The following RABGAP1L variants were observed in gnomAD, a reference collection of about 807,000 sequenced individuals.
RABGAP1L encodes the protein RAB GTPase activating protein 1 like.
RABGAP1L carries 63 observed loss-of-function variants against 137.7 expected under a neutral mutation model. That is an observed-to-expected ratio of 0.46 (90% CI 0.37 to 0.56). The LOEUF (loss-of-function observed/expected upper bound fraction) is 0.56, where lower values mean the gene tolerates loss of function less well. Ranked by LOEUF, RABGAP1L falls within the 20% of genes least tolerant of loss-of-function variation. The pLI, the probability that RABGAP1L is intolerant of heterozygous loss-of-function variation, is 0.00. For missense variants in RABGAP1L, 1,095 were observed against 1,244.0 expected (o/e 0.88, Z 1.80); for synonymous variants, 431 against 433.7 (o/e 0.99, Z 0.08).
At chr1:174,546,846 C>T (rs56676676) in intron 13 of RABGAP1L, among the ~76,000 whole-genome samples, 11 of 151,328 alleles carry the variant, frequency 7.3e-5, no homozygotes, top group South Asian at 2.1e-4. Context: ...CTGGCTAACA[C>T]GGTGAAACCC....
chr1:174,984,072 A>G (rs901257264), intron 24 of RABGAP1L, among the ~76,000 whole-genome samples: 1 of 151,634 alleles, frequency 6.6e-6, no homozygotes, highest in Non-Finnish European at 1.5e-5. Flanking sequence ...AAAAAAAAAA[A>G]AAAAAAGGGA....
chr1:174,855,881 C>T (rs1649202647), intron 19 of RABGAP1L, among the ~76,000 whole-genome samples: 1 of 152,180 alleles, frequency 6.6e-6, no homozygotes, highest in Non-Finnish European at 1.5e-5. Context: ...CATTCTGCTA[C>T]CCCAGATGTG....
chr1:174,309,257 G>A (rs375901397), intron 11 of RABGAP1L, among the ~76,000 whole-genome samples: 5 of 152,050 alleles, frequency 3.3e-5, no homozygotes, highest in African/African-American at 9.6e-5. Context: ...ACAGTTTTTC[G>A]ATGGAGTGTT....
intron 13 of RABGAP1L, among the ~76,000 whole-genome samples, chr1:174,590,120 T>C (rs1487813616): frequency 2.4e-4 from 23 of 97,556 alleles, no homozygotes; most frequent in Admixed American, 1.5e-3. Context: ...ACCTCTTCAG[T>C]TTCTTTTTTT....
At chr1:174,369,836 G>A (rs1032877059) in intron 11 of RABGAP1L, among the ~76,000 whole-genome samples, 1 of 152,050 alleles carries the variant, frequency 6.6e-6, no homozygotes, top group Non-Finnish European at 1.5e-5. Context: ...TGCATTAAAT[G>A]TCCCTTATAA....
intron 19 of RABGAP1L, among the ~76,000 whole-genome samples, chr1:174,840,815 C>CAAAA (rs5778817): frequency 1.4e-5 from 1 of 71,954 alleles, no homozygotes. Context: ...GAATCTGTCT[C>CAAAA]AAAAAAAAAA....
At chr1:174,165,607 T>G (rs1664843295) in intron 1 of RABGAP1L, among the ~76,000 whole-genome samples, 1 of 152,110 alleles carries the variant, frequency 6.6e-6, no homozygotes, top group Non-Finnish European at 1.5e-5. Flanking sequence ...CTAACAGTTC[T>G]TCTGCCTCAG....
intron 13 of RABGAP1L, among the ~76,000 whole-genome samples, chr1:174,636,154 C>G (rs1252551794): frequency 1.3e-5 from 2 of 152,136 alleles, no homozygotes; most frequent in Admixed American, 1.3e-4. Context: ...AATGTTTAAT[C>G]ATTTTTATAA....
intron 11 of RABGAP1L, among the ~76,000 whole-genome samples, chr1:174,308,344 G>A (rs143962458): frequency 6.6e-6 from 1 of 152,062 alleles, no homozygotes; most frequent in Non-Finnish European, 1.5e-5. Context: ...CTTTCATACT[G>A]TTGATTGTTT....
chr1:174,418,856 T>A lies in RABGAP1L; in HGVS notation c.1710+24711T>A, dbSNP rs1650917999. 2.0e-5 allele frequency among the ~76,000 whole-genome samples: 3 copies of A among 151,764 alleles called. No individual in the cohort carries two copies. The South Asian group carries it at 6.2e-4, about 32-fold the overall frequency. On this transcript the variant is annotated intron_variant, in intron 13 of 25. Coordinates refer to ENST00000681986, the MANE Select transcript of RABGAP1L (RefSeq NM_001366446.1). Reference sequence around the variant, plus strand: ...GAGTTCAAGACCAGCCTGGGCAACATGATGAAACCCTGTCTCTACGAAAAT... The same window carrying A: ...GAGTTCAAGACCAGCCTGGGCAACAAGATGAAACCCTGTCTCTACGAAAAT...
At chr1:174,857,240 A>G (rs945239124) in intron 19 of RABGAP1L, among the ~76,000 whole-genome samples, 9 of 152,164 alleles carry the variant, frequency 5.9e-5, no homozygotes, top group African/African-American at 1.9e-4. Flanking sequence ...TTCTTGTTCT[A>G]TATGAGTCCC....
intron 7 of RABGAP1L, among the ~76,000 whole-genome samples, chr1:174,268,425 G>A (rs1194947082): frequency 2.6e-5 from 4 of 151,782 alleles, no homozygotes; most frequent in African/African-American, 4.8e-5. Context: ...GGATGGTCTC[G>A]ATCTCCTGAC....
Position 174,991,725 on chromosome 1 carries a change from G to A in RABGAP1L, c.*1724G>A, listed in dbSNP as rs1407426544. Reference sequence around the variant, plus strand: ...AAAGGAACATAACCCAGCATTCCAAGTGTCTGTGTTGGCTTTAACATTCTC... The same window carrying A: ...AAAGGAACATAACCCAGCATTCCAAATGTCTGTGTTGGCTTTAACATTCTC... On this transcript the variant is annotated 3_prime_UTR_variant, in exon 26 of 26. Transcript: ENST00000681986. 4 of 149,930 alleles carry A rather than the reference G, an allele frequency of 2.7e-5. No individual in the cohort carries two copies. Among genetic ancestry groups the A allele is most frequent in the Admixed American group, 2.0e-4 (3 of 15,102 alleles). 9.3% of individuals were successfully genotyped at this position (149,930 alleles called of 1,614,324 possible).
At chr1:174,307,320 A>T (rs1420070737) in intron 11 of RABGAP1L, among the ~76,000 whole-genome samples, 1 of 152,222 alleles carries the variant, frequency 6.6e-6, no homozygotes, top group Non-Finnish European at 1.5e-5. Flanking sequence ...ACATGAAAAT[A>T]ACATGAAAAC....
intron 13 of RABGAP1L, among the ~76,000 whole-genome samples, chr1:174,571,121 C>T (rs2179109): frequency 0.078 from 11,870 of 152,156 alleles, 645 homozygotes; most frequent in East Asian, 0.31. Context: ...TTTGCAACAA[C>T]ATAGATGGAA....
At chr1:174,862,165 C>G (rs1227178540) in intron 19 of RABGAP1L, among the ~76,000 whole-genome samples, 1 of 152,132 alleles carries the variant, frequency 6.6e-6, no homozygotes, top group Non-Finnish European at 1.5e-5. Flanking sequence ...ATGTGGAGAT[C>G]CAGTTTTTCC....
At chr1:174,555,993 C>CTT (rs367653521) in intron 13 of RABGAP1L, among the ~76,000 whole-genome samples, 213 of 115,442 alleles carry the variant, frequency 1.8e-3, no homozygotes, top group South Asian at 6.5e-3. Context: ...GTTCGTTTGC[C>CTT]TTTTTTTTTT....
At chr1:174,881,563 G>A (rs375796737) in intron 19 of RABGAP1L, among the ~76,000 whole-genome samples, 3 of 136,496 alleles carry the variant, frequency 2.2e-5, no homozygotes, top group East Asian at 2.3e-4. Context: ...ACAGTGGCAC[G>A]ATTTGGGATC....
At chr1:174,389,356 C>A (rs1043791168) in intron 12 of RABGAP1L, among the ~76,000 whole-genome samples, 1 of 151,750 alleles carries the variant, frequency 6.6e-6, no homozygotes, top group East Asian at 2.0e-4. Context: ...TAGCCACCTA[C>A]TTCCACCTCC....
Sources: allele counts gnomAD v4.1 joint callset (sites outside exome capture counted in the v4.1 genomes callset), GRCh38; gene constraint gnomAD v4.1.1; transcripts MANE v1.5; gene names NCBI Gene and HGNC (gene_info 2026-07-23, HGNC 2026-07-21).